The following ST6GALNAC5 variants were observed in gnomAD, a reference collection of about 807,000 sequenced individuals.
ST6GALNAC5 encodes the protein ST6 N-acetylgalactosaminide alpha-2,6-sialyltransferase 5.
ST6GALNAC5 carries 27 observed loss-of-function variants against 33.6 expected under a neutral mutation model. The ratio of observed to expected loss-of-function variants is 0.80; its 90% CI spans 0.59 to 1.11. The LOEUF (loss-of-function observed/expected upper bound fraction) is 1.11, where lower values mean the gene tolerates loss of function less well. Ranked by LOEUF, ST6GALNAC5 falls within the 50% of genes least tolerant of loss-of-function variation. The pLI is 0.00. For missense variants in ST6GALNAC5, 428 were observed against 454.0 expected (o/e 0.94, Z 0.52); for synonymous variants, 194 against 171.2 (o/e 1.13, Z -1.04).
chr1:77,019,993 A>G (rs1432886537), intron 2 of ST6GALNAC5, among the ~76,000 whole-genome samples: 1 of 152,224 alleles, frequency 6.6e-6, no homozygotes, highest in Admixed American at 6.5e-5. Flanking sequence ...GATCCAGAAC[A>G]TATTTTACAT....
intron 2 of ST6GALNAC5, among the ~76,000 whole-genome samples, chr1:76,899,562 G>A (rs1646794926): frequency 6.6e-6 from 1 of 152,176 alleles, no homozygotes; most frequent in African/African-American, 2.4e-5. Flanking sequence ...TCCCTGCGTG[G>A]TCTGACACCA....
chr1:76,868,400 C>G lies in ST6GALNAC5; in HGVS notation c.16-97C>G. 6.7e-7 allele frequency: 1 copy of G among 1,485,704 alleles called. No homozygotes were observed. Among genetic ancestry groups the G allele is most frequent in the African/African-American group, 1.4e-5 (1 of 70,394 alleles). 92.0% of individuals were successfully genotyped at this position (1,485,704 alleles called of 1,614,324 possible). ...GGGCCCAGGCCGCCCCAAATCTCCC[C>G]CACTAGAGTGACCACCGCACAGTTG... On this transcript the variant is annotated intron_variant, in intron 1 of 4. Transcript: ENST00000477717. This position sits in a 1 kb window ranked among gnomAD's most constrained non-coding sequence, Gnocchi z 4.3.
intron 2 of ST6GALNAC5, among the ~76,000 whole-genome samples, chr1:76,939,277 C>T (rs974895420): frequency 2.0e-5 from 3 of 152,046 alleles, no homozygotes; most frequent in South Asian, 2.1e-4. Flanking sequence ...GATAGGAAAG[C>T]GAAACAACAT....
intron 2 of ST6GALNAC5, among the ~76,000 whole-genome samples, chr1:77,000,635 T>G (rs1314643811): frequency 2.0e-5 from 3 of 151,140 alleles, no homozygotes; most frequent in Non-Finnish European, 4.4e-5. Flanking sequence ...GTCTAACGTT[T>G]AAGTCCTTAA....
chr1:77,050,423 T>A (rs879281894), intron 4 of ST6GALNAC5, 58 bp downstream of exon 4: 32 of 1,496,992 alleles, frequency 2.1e-5, no homozygotes, highest in Non-Finnish European at 2.9e-5. Context: ...TTTATAAATA[T>A]CTGATTCTGA....
intron 2 of ST6GALNAC5, among the ~76,000 whole-genome samples, chr1:76,908,741 G>A (rs749444763): frequency 5.9e-5 from 9 of 152,024 alleles, no homozygotes; most frequent in Non-Finnish European, 8.8e-5. Flanking sequence ...CTCTGTAACC[G>A]CAGGGTTCCT....
chr1:76,944,715 A>G lies in ST6GALNAC5; in HGVS notation c.261+75973A>G, dbSNP rs941349404. Among the ~76,000 whole-genome samples the G allele has an allele frequency of 1.2e-4, 19 of 152,264 alleles. 1 individual carries two copies. Among genetic ancestry groups the G allele is most frequent in the Admixed American group, 1.1e-3 (17 of 15,282 alleles). ...AAGCAGCTTCCTTGATTAAGGGGCAAGGTCTCAGGTTAACGTGAGATAAGA... is the reference window on the plus strand; with the variant it reads ...AAGCAGCTTCCTTGATTAAGGGGCAGGGTCTCAGGTTAACGTGAGATAAGA... On this transcript the variant is annotated intron_variant, in intron 2 of 4. Coordinates refer to ENST00000477717, the MANE Select transcript of ST6GALNAC5 (RefSeq NM_030965.3).
At chr1:77,003,815 T>C (rs1197474457) in intron 2 of ST6GALNAC5, among the ~76,000 whole-genome samples, 1 of 149,826 alleles carries the variant, frequency 6.7e-6, no homozygotes, top group Admixed American at 6.7e-5. Context: ...TGTTGAATAT[T>C]GGCCCCCACT....
At chr1:77,001,723 C>A (rs1447332939) in intron 2 of ST6GALNAC5, among the ~76,000 whole-genome samples, 1 of 150,776 alleles carries the variant, frequency 6.6e-6, no homozygotes, top group East Asian at 2.0e-4. Context: ...TTGTCAAAGG[C>A]TTTTTCTGCA....
chr1:77,024,018 G>C (rs1395047410), intron 2 of ST6GALNAC5, among the ~76,000 whole-genome samples: 1 of 152,182 alleles, frequency 6.6e-6, no homozygotes, highest in Non-Finnish European at 1.5e-5. Context: ...AGACAGATCT[G>C]AGAGAGCCCA....
rs141919115 is a variant in ST6GALNAC5, at chr1:77,044,377, G to A, written c.435G>A (p.Ala145=). The change falls in exon 3 of 5, where the codon GCG becomes GCA. Residue 145 remains alanine, a synonymous_variant. Coordinates refer to ENST00000477717, the MANE Select transcript of ST6GALNAC5 (RefSeq NM_030965.3). The part of the protein sequence containing the change: ...VGNRTSLRVI[A]HSSIQRILRN... ...ATCGCACCAGCCTGAGGGTCATCGCGCATTCCAGCATCCAGAGGATCCTCC... is the reference window on the plus strand; with the variant it reads ...ATCGCACCAGCCTGAGGGTCATCGCACATTCCAGCATCCAGAGGATCCTCC... 415 of 1,613,780 alleles carry A rather than the reference G, an allele frequency of 2.6e-4. 1 individual carries two copies. In the African/African-American group the frequency reaches 3.3e-3, roughly 13 times the overall value.
chr1:76,926,181 A>G (rs1200673660), intron 2 of ST6GALNAC5, among the ~76,000 whole-genome samples: 2 of 152,202 alleles, frequency 1.3e-5, no homozygotes, highest in Non-Finnish European at 2.9e-5. Context: ...CAAAATTTAT[A>G]AAGTACAAAG....
chr1:77,056,488 T>C (rs1490743696), intron 4 of ST6GALNAC5, among the ~76,000 whole-genome samples: 1 of 152,200 alleles, frequency 6.6e-6, no homozygotes, highest in Admixed American at 6.5e-5. Flanking sequence ...ATCACTGTCA[T>C]GGAACTAAAT....
At chr1:76,873,463 T>C (rs1362942298) in intron 2 of ST6GALNAC5, among the ~76,000 whole-genome samples, 1 of 152,192 alleles carries the variant, frequency 6.6e-6, no homozygotes, top group African/African-American at 2.4e-5. Context: ...CCTACAACAA[T>C]ATCTAAAATT....
At chr1:76,966,398 C>T (rs1648480092) in intron 2 of ST6GALNAC5, among the ~76,000 whole-genome samples, 1 of 151,514 alleles carries the variant, frequency 6.6e-6, no homozygotes, top group Non-Finnish European at 1.5e-5. Context: ...ATTTGGCTCT[C>T]TGTCTGTTAT....
chr1:77,019,481 G>A (rs1650974935), intron 2 of ST6GALNAC5, among the ~76,000 whole-genome samples: 2 of 152,178 alleles, frequency 1.3e-5, no homozygotes, highest in African/African-American at 4.8e-5. Context: ...CATTGCTGAA[G>A]GGAAGTGGAG....
At chr1:76,966,138 A>G (rs200802850) in intron 2 of ST6GALNAC5, among the ~76,000 whole-genome samples, 3 of 152,072 alleles carry the variant, frequency 2.0e-5, no homozygotes, top group Admixed American at 6.6e-5. Context: ...ATTCTATGAA[A>G]AATGTCATTG....
At chr1:76,998,644 G>C (rs1419169107) in intron 2 of ST6GALNAC5, among the ~76,000 whole-genome samples, 3 of 152,048 alleles carry the variant, frequency 2.0e-5, no homozygotes, top group Admixed American at 6.6e-5. Flanking sequence ...CTCATTATTA[G>C]AACTTACATT....
intron 2 of ST6GALNAC5, among the ~76,000 whole-genome samples, chr1:76,965,957 T>C (rs539181062): frequency 6.6e-6 from 1 of 152,340 alleles, no homozygotes; most frequent in Middle Eastern, 3.4e-3. Context: ...TTCTGCTCCA[T>C]TGGTCTATAT....
Sources: gnomAD v4.1 joint callset for allele counts (sites outside exome capture counted in the v4.1 genomes callset) on GRCh38, gnomAD v4.1.1 for gene constraint, Gnocchi (gnomAD v3.1) non-coding constraint, MANE v1.5 for transcripts, NCBI Gene and HGNC (gene_info 2026-07-23, HGNC 2026-07-21) for gene names.